The following KLHL13 variants were observed in gnomAD, a reference collection of about 807,000 sequenced individuals.
KLHL13 encodes the protein kelch like family member 13, also known as kelch-like protein 13.
KLHL13 carries 10 observed loss-of-function variants against 37.1 expected under a neutral mutation model. The ratio of observed to expected loss-of-function variants is 0.27; its 90% CI spans 0.17 to 0.46. The LOEUF is 0.46. KLHL13 is among the 20% of genes least tolerant of loss of function. KLHL13 has a pLI of 1.00. For missense variants in KLHL13, 360 were observed against 509.3 expected (o/e 0.71, Z 2.82); for synonymous variants, 163 against 181.2 (o/e 0.90, Z 0.81).
At chrX:117,954,329 ATTAT>A (rs1165108785) in intron 1 of KLHL13, among the ~76,000 whole-genome samples, 1 of 111,786 alleles carries the variant, frequency 8.9e-6, no homozygotes, top group Non-Finnish European at 1.9e-5. Context: ...TAGTTTATAT[ATTAT>A]TTCTCATTCT....
intron 1 of KLHL13, among the ~76,000 whole-genome samples, chrX:118,081,308 C>CA (rs1196216536): frequency 9.1e-6 from 1 of 110,078 alleles, no homozygotes; most frequent in Non-Finnish European, 1.9e-5. Context: ...ACACCTGTGC[C>CA]AAAAAAAAGT....
intron 1 of KLHL13, among the ~76,000 whole-genome samples, chrX:118,019,633 G>A (rs1411155656): frequency 1.8e-5 from 2 of 111,111 alleles, no homozygotes; most frequent in Admixed American, 9.6e-5. Flanking sequence ...TAGGTCTAAC[G>A]TTTAAGTCTT....
intron 1 of KLHL13, among the ~76,000 whole-genome samples, chrX:118,014,127 G>T (rs2054100671): frequency 8.9e-6 from 1 of 112,065 alleles, no homozygotes; most frequent in Admixed American, 9.5e-5. Flanking sequence ...ATAACCATGA[G>T]GCCTGACTGC....
chrX:117,914,423 T>G (rs1255081430), intron 4 of KLHL13: 1 of 111,075 alleles, frequency 9.0e-6, no homozygotes, highest in Non-Finnish European at 1.9e-5. Context: ...CCTTAGCCAT[T>G]CAATGCGCCA....
At chrX:117,979,059 G>A (rs994382215) in intron 1 of KLHL13, among the ~76,000 whole-genome samples, 5 of 110,661 alleles carry the variant, frequency 4.5e-5, no homozygotes, top group African/African-American at 1.6e-4. Context: ...GCCTCCCAAA[G>A]AGCTGGGATT....
At chrX:117,982,029 T>C (rs2053667432) in intron 1 of KLHL13, among the ~76,000 whole-genome samples, 1 of 110,586 alleles carries the variant, frequency 9.0e-6, no homozygotes, top group Non-Finnish European at 1.9e-5. Flanking sequence ...AGATACATGC[T>C]CAGTGAGTTA....
rs116335222 is a variant in KLHL13, at chrX:117,928,815, G to A, written c.241-8445C>T. Among the ~76,000 whole-genome samples the A allele has an allele frequency of 4.4e-3, 486 of 111,477 alleles. 1 individual carries two copies. Among genetic ancestry groups the A allele is most frequent in the African/African-American group, 0.011 (328 of 30,753 alleles). The stretch of plus-strand genomic sequence containing the variant: ...GAGCAAATTTATCCCAAATTAGGCA[G>A]GAGAATTGCAATAATAAAGATCATA... On this transcript the variant is annotated intron_variant, in intron 2 of 6. Coordinates refer to ENST00000262820, the Ensembl canonical transcript of KLHL13.
intron 1 of KLHL13, among the ~76,000 whole-genome samples, chrX:118,034,934 C>A (rs1244582554): frequency 1.1e-5 from 1 of 88,818 alleles, no homozygotes; most frequent in Non-Finnish European, 2.1e-5. Flanking sequence ...CACAGAAATA[C>A]AAACTACCAT....
At chrX:117,958,933 T>C (rs1390897669) in intron 1 of KLHL13, among the ~76,000 whole-genome samples, 2 of 111,898 alleles carry the variant, frequency 1.8e-5, no homozygotes, top group Non-Finnish European at 3.8e-5. Flanking sequence ...CTTTCCTTAC[T>C]ATTATTTTAA....
Position 117,916,135 on chromosome X carries a change from G to A in KLHL13, c.570+3386C>T, listed in dbSNP as rs926323562. On this transcript the variant is annotated intron_variant, in intron 4 of 6. Coordinates refer to ENST00000262820, the Ensembl canonical transcript of KLHL13. ...ATCCTGCCATTGCACTCCAGCCTGGGCAACAACAGCGACACTCCGCCTCAA... is the reference window on the plus strand; with the variant it reads ...ATCCTGCCATTGCACTCCAGCCTGGACAACAACAGCGACACTCCGCCTCAA... Among the ~76,000 whole-genome samples, 3 of 108,342 alleles carry A rather than the reference G, an allele frequency of 2.8e-5. No homozygotes were observed. The Admixed American group carries it at 3.0e-4, about 11-fold the overall frequency. The allele number at this position is 108,342 out of a possible 115,157, so 94.1% of individuals were successfully genotyped here. A position where few individuals can be genotyped will look rare whatever the true frequency, so the allele number is the denominator to read the frequency against.
intron 1 of KLHL13, among the ~76,000 whole-genome samples, chrX:118,082,334 T>G (rs2055005344): frequency 8.9e-6 from 1 of 111,880 alleles, no homozygotes; most frequent in Non-Finnish European, 1.9e-5. Flanking sequence ...ACTGTGGTTC[T>G]GATTTGCATT....
upstream of KLHL13, among the ~76,000 whole-genome samples, chrX:117,978,623 C>A (rs148194048): frequency 3.6e-3 from 403 of 110,789 alleles, 5 homozygotes; most frequent in African/African-American, 0.013. Context: ...AGAGACTGAG[C>A]AGAGAACAAA....
intron 1 of KLHL13, among the ~76,000 whole-genome samples, chrX:118,004,049 G>A (rs1381635489): frequency 9.0e-6 from 1 of 111,284 alleles, no homozygotes; most frequent in African/African-American, 3.3e-5. Flanking sequence ...GAGTCGGGGA[G>A]GCAAGGGTGT....
chrX:117,920,332 A>G, exon 3 of KLHL13: 1 of 1,207,142 alleles, frequency 8.3e-7, no homozygotes, highest in Non-Finnish European at 1.1e-6. Context: ...TCAGGGTCAC[A>G]TCACAAAGCA....
intron 1 of KLHL13, among the ~76,000 whole-genome samples, chrX:117,972,436 T>G (rs2053539801): frequency 8.9e-6 from 1 of 112,645 alleles, no homozygotes; most frequent in Non-Finnish European, 1.9e-5. Flanking sequence ...TTCAAACAAA[T>G]CCAACATATG....
At chrX:118,075,020 G>C (rs2054914148) in intron 1 of KLHL13, among the ~76,000 whole-genome samples, 1 of 111,932 alleles carries the variant, frequency 8.9e-6, no homozygotes, top group African/African-American at 3.2e-5. Flanking sequence ...CAGTATCTCA[G>C]ATCATTGCTC....
At chrX:118,010,014 G>C (rs1437325567) in intron 1 of KLHL13, among the ~76,000 whole-genome samples, 2 of 110,297 alleles carry the variant, frequency 1.8e-5, no homozygotes, top group African/African-American at 6.6e-5. Flanking sequence ...GGCCATCAGA[G>C]AAATGCAAAT....
chrX:118,090,804 T>C (rs1040468898), intron 1 of KLHL13, among the ~76,000 whole-genome samples: 1 of 110,126 alleles, frequency 9.1e-6, no homozygotes, highest in African/African-American at 3.3e-5. Flanking sequence ...TTATAAGTCA[T>C]GCTGCTATAA....
chrX:118,056,502 T>C (rs1325063226), intron 1 of KLHL13, among the ~76,000 whole-genome samples: 1 of 112,002 alleles, frequency 8.9e-6, no homozygotes, highest in Non-Finnish European at 1.9e-5. Flanking sequence ...ATGTAGCTAG[T>C]GGCTATTGTA....
Sources: allele counts gnomAD v4.1 joint callset (sites outside exome capture counted in the v4.1 genomes callset), GRCh38; gene constraint gnomAD v4.1.1; transcripts MANE v1.5; gene names NCBI Gene and HGNC (gene_info 2026-07-23, HGNC 2026-07-21).